Variants in MMP25 observed in about 807,000 individuals in gnomAD.
MMP25 encodes matrix metalloproteinase-25.
Under a neutral mutation model 62.1 loss-of-function variants are expected in MMP25, and 68 were observed. The ratio of observed to expected loss-of-function variants is 1.10; its 90% confidence interval spans 0.90 to 1.34. MMP25 has a LOEUF of 1.34. Among genes scored for constraint, MMP25 ranks in the 40% most tolerant of loss-of-function variants. The pLI, the probability that MMP25 is intolerant of heterozygous loss-of-function variation, is 0.00. For synonymous variants in MMP25, 407 were observed against 345.6 expected (o/e 1.18, Z -1.97); for missense variants, 942 against 792.5 (o/e 1.19, Z -2.26).
In MMP25 at chr16:3,047,539, G is replaced by A. The variant is rs1450328924; in HGVS notation, c.224G>A (p.Gly75Asp). 1 of 1,613,028 alleles carries A rather than the reference G, an allele frequency of 6.2e-7. No individual in the cohort carries two copies. The highest frequency in any genetic ancestry group is 1.1e-5 in the South Asian group (1 of 91,040). Residue 75 changes from glycine (G) to aspartate (D), a missense_variant, in exon 2 of 10, where the codon GGC becomes GAC. Physicochemically the swap from Gly to Asp is moderately conservative, Grantham distance 94. Transcript: ENST00000336577. ...AGGTTCGCGGGGCTGCCGGAGACCG[G>A]CCGCATGGGTAGGTGGCCCCCACCC... is the stretch of plus-strand genomic sequence containing the variant. ...MQRFAGLPET[G>D]RMDPGTVATM...
At chr16:3,049,357 C>T (rs572455594) in intron 2 of MMP25, among the ~76,000 whole-genome samples, 141 of 152,280 alleles carry the variant, frequency 9.3e-4, no homozygotes, top group Admixed American at 2.1e-3. Context: ...GAAAGGTAGG[C>T]CCTGTGTCTG....
In MMP25 at chr16:3,058,951, T is replaced by TC. The variant is rs1291887316; in HGVS notation, c.1546dup (p.Arg516ProfsTer119). The TC allele has an allele frequency of 3.1e-5, 47 of 1,531,202 alleles. No homozygotes were observed. The Admixed American group carries it at 4.4e-4, about 14-fold the overall frequency. The allele number at this position is 1,531,202 out of a possible 1,614,324, so 94.9% of individuals were successfully genotyped here. On this transcript the variant is annotated frameshift_variant, in exon 10 of 10. Coordinates refer to ENST00000336577, the MANE Select transcript of MMP25 (RefSeq NM_022468.5). LOFTEE classifies it high-confidence loss of function. Reference sequence around the variant, plus strand: ...TGGACTGCCCCGCCCCGAGCTCTGGTCCCCGCGCCCCCAGGCCCCCCAAAG... The same window carrying TC: ...TGGACTGCCCCGCCCCGAGCTCTGGTCCCCCGCGCCCCCAGGCCCCCCAAAG...
intron 2 of MMP25, 49 bp downstream of exon 2, chr16:3,047,596 C>G (rs1279898009): frequency 6.3e-7 from 1 of 1,588,772 alleles, no homozygotes; most frequent in South Asian, 1.1e-5. Context: ...CCCAGCCTGT[C>G]CACCGCCCAA....
Position 3,050,323 on chromosome 16 carries a change from G to C in MMP25, c.438G>C (p.Leu146=). Residue 146 remains leucine (L), a synonymous_variant, in exon 4 of 10, where the codon CTG becomes CTC. Coordinates refer to ENST00000336577, the MANE Select transcript of MMP25 (RefSeq NM_022468.5). ...ETVRVLMSYA[L]MAWGMESGLT... is the part of the protein sequence containing the mutation. ...TGCGGGTCCTCATGAGCTATGCCCT[G>C]ATGGCCTGGGGCATGGAGTCAGGCC... The C allele has an allele frequency of 6.2e-7, 1 of 1,613,910 alleles. No homozygotes were observed. Among genetic ancestry groups the C allele is most frequent in the South Asian group, 1.1e-5 (1 of 91,052 alleles).
chr16:3,055,942 T>C, intron 4 of MMP25: 1 of 455,570 alleles, frequency 2.2e-6, no homozygotes, highest in South Asian at 1.6e-5. Context: ...CCTGAGCGCC[T>C]GAGCTGAATA....
rs8059283 is a variant in MMP25, at chr16:3,046,725, G to C, written c.-193G>C. 7.8e-3 allele frequency: 3,229 copies of C among 416,586 alleles called. 93 individuals carry two copies. The highest frequency in any genetic ancestry group is 0.059 in the African/African-American group (2,842 of 47,768). 25.8% of individuals were successfully genotyped at this position (416,586 alleles called of 1,614,324 possible). A position where few individuals can be genotyped will look rare whatever the true frequency, so the allele number is the denominator to read the frequency against. ...CCCAGCGGCGCGACCCTGGCCCTCC[G>C]GGACCCTCCGCTGACTCCACCGCGC... On this transcript the variant is annotated 5_prime_UTR_variant, in exon 1 of 10. Transcript: ENST00000336577.
chr16:3,047,542 G>A lies in MMP25; in HGVS notation c.227G>A (p.Arg76His). ...QRFAGLPETG[R>H]MDPGTVATMR... is the part of the protein sequence containing the mutation. ...TTCGCGGGGCTGCCGGAGACCGGCC[G>A]CATGGGTAGGTGGCCCCCACCCCTC... The change falls in exon 2 of 10, where the codon CGC becomes CAC. Residue 76 changes from arginine (R) to histidine (H), a missense_variant. Arg to His is a conservative substitution (Grantham distance 29). Transcript: ENST00000336577. The A allele has an allele frequency of 6.2e-7, 1 of 1,612,760 alleles. No individual in the cohort carries two copies. The highest frequency in any genetic ancestry group is 1.8e-4 in the Middle Eastern group (1 of 5,712).
chr16:3,058,361 T>TG lies in MMP25; in HGVS notation c.1159+32dup, dbSNP rs778922231. ...GAGTGGGGCCGGCGGCGGGGCGCGC[T>TG]GGGGCCGGCGCGGGGAGCCCACCCC... On this transcript the variant is annotated intron_variant, in intron 8 of 9. Transcript: ENST00000336577. The TG allele has an allele frequency of 3.3e-6, 5 of 1,500,880 alleles. No homozygotes were observed. In the Admixed American group the frequency reaches 1.2e-4, roughly 35 times the overall value. The allele number at this position is 1,500,880 out of a possible 1,614,324, so 93.0% of individuals were successfully genotyped here. A position where few individuals can be genotyped will look rare whatever the true frequency, so the allele number is the denominator to read the frequency against.
At chr16:3,052,760 G>C (rs1460753741) in intron 4 of MMP25, 2 of 152,892 alleles carry the variant, frequency 1.3e-5, no homozygotes, top group African/African-American at 4.8e-5. Context: ...AGCGCTCTGG[G>C]CTGGCCACAC....
Position 3,050,034 on chromosome 16 carries a change from T to G in MMP25, c.258T>G (p.Arg86=), listed in dbSNP as rs754658561. The G allele has an allele frequency of 6.2e-7, 1 of 1,610,418 alleles. No homozygotes were observed. Among genetic ancestry groups the G allele is most frequent in the Non-Finnish European group, 8.5e-7 (1 of 1,179,932 alleles). ...RMDPGTVATM[R]KPRCSLPDVL... is the part of the protein sequence containing the mutation. ...ACCCAGGGACAGTGGCCACCATGCG[T>G]AAGCCCCGCTGCTCCCTGCCTGACG... Residue 86 remains arginine, a synonymous_variant, in exon 3 of 10, where the codon CGT becomes CGG. Transcript: ENST00000336577.
At chr16:3,053,786 G>C (rs968867499) in intron 4 of MMP25, 4 of 152,152 alleles carry the variant, frequency 2.6e-5, no homozygotes, top group Admixed American at 6.6e-5. Flanking sequence ...GCTGTGGCTG[G>C]GGCAAAACAA....
At position 3,057,294 on chromosome 16, in the gene MMP25, G is replaced by A. The variant is rs1956028770; in HGVS notation, c.839-16G>A. 6.2e-7 allele frequency: 1 copy of A among 1,613,922 alleles called. No individual in the cohort carries two copies. Among genetic ancestry groups the A allele is most frequent in the African/African-American group, 1.3e-5 (1 of 74,878 alleles). On this transcript the variant is annotated splice_polypyrimidine_tract_variant and intron_variant, in intron 5 of 9. Transcript: ENST00000336577. ...AGGGCCAGGGGACGCACACCTGCCT[G>A]ACTCTTTCCTCACAGGGAAGGCGCC...
At chr16:3,058,117 C>T (rs1956044290) in intron 7 of MMP25, 64 bp from the exon 8 acceptor site, 1 of 1,572,996 alleles carries the variant, frequency 6.4e-7, no homozygotes. Flanking sequence ...CCCAGCCACA[C>T]ACCCTGGGGG....
chr16:3,048,205 C>G (rs1451940793), intron 2 of MMP25, among the ~76,000 whole-genome samples: 5 of 152,116 alleles, frequency 3.3e-5, no homozygotes, highest in Non-Finnish European at 2.9e-5. Flanking sequence ...CTACTCAGAA[C>G]GCTGAGATGG....
At chr16:3,052,508 C>T (rs1955919761) in intron 4 of MMP25, 1 of 152,156 alleles carries the variant, frequency 6.6e-6, no homozygotes, top group Non-Finnish European at 1.5e-5. Flanking sequence ...GAAGTTCTCG[C>T]AGGGTCCAGG....
At position 3,059,253 on chromosome 16, in the gene MMP25, G is replaced by A. The variant is rs1027779849; in HGVS notation, c.*155G>A. On this transcript the variant is annotated 3_prime_UTR_variant, in exon 10 of 10. Transcript: ENST00000336577. ...TAAGCAGGGGGGATCTCCCGCGCAG[G>A]GGCGGCGGCGGCGGGGACCGGTCGC... 3 of 876,278 alleles carry A rather than the reference G, an allele frequency of 3.4e-6. No homozygotes were observed. The highest frequency in any genetic ancestry group is 3.6e-5 in the Admixed American group (1 of 27,766). 54.3% of individuals were successfully genotyped at this position (876,278 alleles called of 1,614,324 possible).
rs1955824582 is a variant in MMP25, at chr16:3,046,705, C to A, written c.-213C>A. ...GGATTCCCGGGCCCACCCGACCCAG[C>A]GGCGCGACCCTGGCCCTCCGGGACC... is the stretch of plus-strand genomic sequence containing the variant. On this transcript the variant is annotated 5_prime_UTR_variant, in exon 1 of 10. Transcript: ENST00000336577. 2 of 395,032 alleles carry A rather than the reference C, an allele frequency of 5.1e-6. No homozygotes were observed. Among genetic ancestry groups the A allele is most frequent in the Non-Finnish European group, 9.0e-6 (2 of 223,296 alleles). 24.5% of individuals were successfully genotyped at this position (395,032 alleles called of 1,614,324 possible). A position where few individuals can be genotyped will look rare whatever the true frequency, so the allele number is the denominator to read the frequency against.
chr16:3,050,424 A>G lies in MMP25; in HGVS notation c.539A>G (p.Gln180Arg). Reference protein sequence around the residue: ...ILIDFARAFHQDSYPFDGLGG... With the variant: ...ILIDFARAFHRDSYPFDGLGG... The stretch of plus-strand genomic sequence containing the variant: ...ATCGACTTTGCCCGCGCCTTCCACC[A>G]GGACAGCTACCCCTTCGACGGGTTG... Residue 180 changes from glutamine to arginine, a missense_variant, in exon 4 of 10, where the codon CAG becomes CGG. Gln to Arg is a conservative substitution (Grantham distance 43). Coordinates refer to ENST00000336577, the MANE Select transcript of MMP25 (RefSeq NM_022468.5). 1.9e-6 allele frequency: 3 copies of G among 1,614,018 alleles called. No homozygotes were observed. The highest frequency in any genetic ancestry group is 2.5e-6 in the Non-Finnish European group (3 of 1,179,996).
intron 4 of MMP25, 46 bp downstream of exon 4, chr16:3,050,592 T>C (rs1955889329): frequency 1.3e-6 from 2 of 1,484,526 alleles, no homozygotes; most frequent in Admixed American, 2.3e-5. Flanking sequence ...AGGTCTGGTC[T>C]TAAGAATAAG....
Sources: allele counts gnomAD v4.1 joint callset (sites outside exome capture counted in the v4.1 genomes callset), GRCh38; gene constraint gnomAD v4.1.1; transcripts MANE v1.5; gene names NCBI Gene and HGNC (gene_info 2026-07-23, HGNC 2026-07-21).